MCPH1: variants seen among roughly 807,000 people sequenced by gnomAD.
MCPH1 encodes the protein microcephalin 1.
A neutral mutation model predicts 84.5 loss-of-function variants in MCPH1; 104 were observed. The ratio of observed to expected loss-of-function variants is 1.23; its 90% CI spans 1.05 to 1.45. The LOEUF is 1.45. Ranked by LOEUF, MCPH1 falls within the 40% of genes most tolerant of loss-of-function variation. The probability of loss-of-function intolerance (pLI) is 0.00; values close to 1 mark genes in which losing one functional copy is unlikely to be tolerated. For synonymous variants in MCPH1, 514 were observed against 366.8 expected, an observed-to-expected ratio of 1.40 and a Z score of -4.58; for missense variants, 1,498 against 1,005.7, an observed-to-expected ratio of 1.49 and a Z score of -6.62.
intron 12 of MCPH1, chr8:6,562,733 C>G (rs1250655525): frequency 6.2e-7 from 1 of 1,613,710 alleles, no homozygotes; most frequent in Non-Finnish European, 8.5e-7. Flanking sequence ...AGCGGCGCGT[C>G]CCTCTGCACA....
intron 12 of MCPH1, among the ~76,000 whole-genome samples, chr8:6,583,400 T>A (rs10113556): frequency 0.23 from 35,478 of 152,200 alleles, 4,427 homozygotes; most frequent in South Asian, 0.32. Flanking sequence ...TGAAGACTTT[T>A]CTTGCGCTGC....
chr8:6,424,455 C>G (rs950539924), intron 3 of MCPH1, among the ~76,000 whole-genome samples: 82 of 152,274 alleles, frequency 5.4e-4, no homozygotes, highest in African/African-American at 1.7e-3. Context: ...TACCACGGCT[C>G]CTTTCCTCCC....
intron 13 of MCPH1, chr8:6,625,368 G>A (rs1027836339): frequency 1.4e-5 from 14 of 985,258 alleles, no homozygotes; most frequent in South Asian, 1.4e-4. Flanking sequence ...CTGCCCCTTC[G>A]ACAAAGCACA....
intron 10 of MCPH1, among the ~76,000 whole-genome samples, chr8:6,480,031 G>C (rs1343546646): frequency 6.6e-6 from 1 of 152,146 alleles, no homozygotes; most frequent in Non-Finnish European, 1.5e-5. Context: ...TGCACAGATA[G>C]GTTCAAATAG....
chr8:6,550,181 C>G (rs977381641), intron 12 of MCPH1, among the ~76,000 whole-genome samples: 5 of 152,232 alleles, frequency 3.3e-5, no homozygotes, highest in African/African-American at 7.2e-5. Flanking sequence ...CCTCGCCTGG[C>G]GTCGGCTCCA....
intron 12 of MCPH1, among the ~76,000 whole-genome samples, chr8:6,504,993 T>C (rs1228796059): frequency 1.3e-5 from 2 of 151,816 alleles, no homozygotes; most frequent in Non-Finnish European, 2.9e-5. Flanking sequence ...TACAGTATGA[T>C]ACTCCTTATA....
intron 11 of MCPH1, among the ~76,000 whole-genome samples, chr8:6,484,531 G>A (rs919357037): frequency 5.3e-5 from 8 of 152,198 alleles, no homozygotes; most frequent in African/African-American, 1.7e-4. Context: ...TATTTGCCTC[G>A]GAGAAATGAA....
chr8:6,436,705 C>T (rs1802688586), intron 5 of MCPH1, among the ~76,000 whole-genome samples: 1 of 151,600 alleles, frequency 6.6e-6, no homozygotes. Flanking sequence ...CACAGTGGCT[C>T]ACGCCTGTAA....
chr8:6,522,365 A>G (rs754749572), intron 12 of MCPH1, among the ~76,000 whole-genome samples: 9 of 126,696 alleles, frequency 7.1e-5, no homozygotes, highest in South Asian at 2.6e-4. Flanking sequence ...AAAAAAAAAG[A>G]AAAAAAAATG....
chr8:6,576,767 C>T (rs182583557), intron 12 of MCPH1, among the ~76,000 whole-genome samples: 461 of 125,262 alleles, frequency 3.7e-3, no homozygotes, highest in African/African-American at 0.012. Flanking sequence ...AGGGTGGTCT[C>T]GAACTCCTGA....
chr8:6,509,260 G>C (rs1198338693), intron 12 of MCPH1, among the ~76,000 whole-genome samples: 2 of 151,086 alleles, frequency 1.3e-5, no homozygotes, highest in Non-Finnish European at 2.9e-5. Context: ...AGCAAAGAGG[G>C]ATGTTTTCAT....
At chr8:6,439,222 T>C in intron 6 of MCPH1, 126 bp downstream of exon 6, 2 of 967,256 alleles carry the variant, frequency 2.1e-6, no homozygotes, top group South Asian at 3.1e-5. Flanking sequence ...ACTTATTTCA[T>C]GGCTGGCTTT....
At chr8:6,498,244 C>T (rs1439640895) in intron 11 of MCPH1, among the ~76,000 whole-genome samples, 1 of 152,150 alleles carries the variant, frequency 6.6e-6, no homozygotes, top group Non-Finnish European at 1.5e-5. Flanking sequence ...ATATGTTGGG[C>T]CAACCTTTTG....
chr8:6,506,326 G>T (rs1019108393), intron 12 of MCPH1, among the ~76,000 whole-genome samples: 2 of 151,958 alleles, frequency 1.3e-5, no homozygotes, highest in Admixed American at 1.3e-4. Flanking sequence ...GCTGGAATTT[G>T]ACCTCTTCAC....
intron 12 of MCPH1, chr8:6,527,815 A>T (rs1818631450): frequency 1.2e-6 from 1 of 844,974 alleles, no homozygotes. Flanking sequence ...TTATTTTGGC[A>T]TATTTTTCAT....
At chr8:6,626,868 C>T (rs1285793610) in intron 13 of MCPH1, 1 of 984,952 alleles carries the variant, frequency 1.0e-6, no homozygotes, top group East Asian at 1.1e-4. Flanking sequence ...CTTGGCCTTT[C>T]TCATAGGCGT....
chr8:6,596,962 A>T (rs58506250), intron 12 of MCPH1, among the ~76,000 whole-genome samples: 2 of 152,052 alleles, frequency 1.3e-5, no homozygotes, highest in African/African-American at 2.4e-5. Context: ...TTGCTTCTTC[A>T]TGTAAATTAA....
At chr8:6,503,965 A>G (rs940645921) in intron 12 of MCPH1, among the ~76,000 whole-genome samples, 4 of 152,190 alleles carry the variant, frequency 2.6e-5, no homozygotes, top group Non-Finnish European at 5.9e-5. Flanking sequence ...TGCTTTCTGC[A>G]CTTTCAGATA....
At chr8:6,531,026 C>T (rs1225996294) in intron 12 of MCPH1, among the ~76,000 whole-genome samples, 3 of 152,022 alleles carry the variant, frequency 2.0e-5, no homozygotes, top group Admixed American at 6.6e-5. Flanking sequence ...CCTTATAGCC[C>T]AGAGTAGGAA....
Sources: allele counts gnomAD v4.1 joint callset (sites outside exome capture counted in the v4.1 genomes callset), GRCh38; gene constraint gnomAD v4.1.1; transcripts MANE v1.5; gene names NCBI Gene and HGNC (gene_info 2026-07-23, HGNC 2026-07-21).